The following KANSL3 variants were observed in gnomAD, a reference collection of about 807,000 sequenced individuals.
KANSL3 encodes KAT8 regulatory NSL complex subunit 3, also known as NSL complex protein NSL3.
A neutral mutation model predicts 89.2 loss-of-function variants in KANSL3; 16 were observed. That is an observed-to-expected ratio of 0.18 (90% CI 0.12 to 0.27). The LOEUF (loss-of-function observed/expected upper bound fraction) is 0.27. KANSL3 is among the 10% of genes least tolerant of loss of function. KANSL3 has a pLI of 1.00. For synonymous variants in KANSL3, 385 were observed against 419.7 expected (o/e 0.92, Z 1.01); for missense variants, 879 against 1,110.6 (o/e 0.79, Z 2.96).
At chr2:96,623,818 TGA>T (rs1266101874) in intron 3 of KANSL3, among the ~76,000 whole-genome samples, 1 of 152,210 alleles carries the variant, frequency 6.6e-6, no homozygotes, top group Admixed American at 6.5e-5. Context: ...CAGCAAAAGT[TGA>T]GAGCAGTCGA....
chr2:96,615,182 A>AAAAAAAAAAAAAC, intron 5 of KANSL3: 1 of 151,594 alleles, frequency 6.6e-6, no homozygotes, highest in African/African-American at 2.4e-5. Flanking sequence ...AAAAAAAAAA[A>AAAAAAAAAAAAAC]AAAAAAGACA....
Position 96,608,904 on chromosome 2 carries a change from G to A in KANSL3, c.1544C>T (p.Ser515Phe), listed in dbSNP as rs1247423893. 11 of 1,576,192 alleles carry A rather than the reference G, an allele frequency of 7.0e-6. No homozygotes were observed. Among genetic ancestry groups the A allele is most frequent in the Non-Finnish European group, 9.5e-6 (11 of 1,161,058 alleles). ...TGAGGCGGGCAGCTTGGCAGCTGGG[G>A]AGGCAGGTCGACTGCCCCGCTCAGG... ...EVPERGSRPASPAAKLPASPS... is the reference protein window; with the variant it reads ...EVPERGSRPAFPAAKLPASPS... The change falls in exon 13 of 21, where the codon TCC (serine) becomes TTC (phenylalanine). Residue 515 changes from serine to phenylalanine, a missense_variant. By Grantham distance (155) the Ser-to-Phe change is radical. Transcript: ENST00000431828.
intron 9 of KANSL3, among the ~76,000 whole-genome samples, chr2:96,611,935 G>GTGTGTGTGTGTGTGTGTA (rs1558704254): frequency 6.6e-6 from 1 of 150,826 alleles, no homozygotes; most frequent in East Asian, 1.9e-4. Flanking sequence ...GTGTGTGTGT[G>GTGTGTGTGTGTGTGTGTA]TGTATGTGAA....
chr2:96,619,851 T>C, intron 3 of KANSL3, 89 bp from the exon 4 acceptor site: 4 of 1,051,254 alleles, frequency 3.8e-6, no homozygotes, highest in Non-Finnish European at 5.6e-6. Context: ...TGCCATAGTT[T>C]TATGTCTCTG....
chr2:96,612,710 C>A, intron 7 of KANSL3, 108 bp downstream of exon 7: 1 of 1,077,036 alleles, frequency 9.3e-7, no homozygotes, highest in South Asian at 1.4e-5. Context: ...TTAGAGGAGG[C>A]TCCACATTCA....
intron 20 of KANSL3, chr2:96,600,377 G>T: frequency 1.2e-6 from 1 of 829,106 alleles, no homozygotes; most frequent in Non-Finnish European, 1.5e-6. Context: ...TTTAAAATAA[G>T]CATAATCATT....
chr2:96,598,217 A>G, intron 20 of KANSL3: 1 of 737,238 alleles, frequency 1.4e-6, no homozygotes, highest in Non-Finnish European at 1.7e-6. Flanking sequence ...TCAAGGAACT[A>G]TCATTTCTGT....
chr2:96,601,700 G>A lies in KANSL3; in HGVS notation c.2559C>T (p.Gly853=). The A allele has an allele frequency of 6.2e-7, 1 of 1,613,172 alleles. No homozygotes were observed. The highest frequency in any genetic ancestry group is 8.5e-7 in the Non-Finnish European group (1 of 1,179,550). The change falls in exon 20 of 21, where the codon GGC becomes GGT. Residue 853 remains glycine (G), a synonymous_variant. Coordinates refer to ENST00000431828, the MANE Select transcript of KANSL3 (RefSeq NM_001115016.3). The stretch of plus-strand genomic sequence containing the variant: ...ACTCCTCGGATGGGGCTGCTCCTGA[G>A]CCCATAGGGCTCAGTGTAGTGATCC... ...PSRITTLSPM[G]SGAAPSEESS...
chr2:96,612,422 C>G, intron 8 of KANSL3, 40 bp downstream of exon 8: 1 of 1,604,126 alleles, frequency 6.2e-7, no homozygotes, highest in Non-Finnish European at 8.5e-7. Context: ...CCCCAGAATG[C>G]TGGGTATGCC....
At chr2:96,604,752 G>A (rs1437411308) in intron 16 of KANSL3, 27 bp downstream of exon 16, 17 of 1,551,728 alleles carry the variant, frequency 1.1e-5, no homozygotes, top group Admixed American at 5.7e-5. Context: ...AAAAGGAATA[G>A]ACACAGATGG....
At chr2:96,582,858 G>A in the KANSL3 span, among the ~76,000 whole-genome samples, 1 of 152,204 alleles carries the variant, frequency 6.6e-6, no homozygotes, top group Non-Finnish European at 1.5e-5. Flanking sequence ...TGCAGTTGAA[G>A]GCAGCTGAAA....
chr2:96,620,092 T>C (rs940793730), intron 3 of KANSL3, among the ~76,000 whole-genome samples: 1 of 152,178 alleles, frequency 6.6e-6, no homozygotes. Flanking sequence ...ATTATTCCAA[T>C]CATAAATAAA....
intron 3 of KANSL3, among the ~76,000 whole-genome samples, chr2:96,621,091 C>G (rs2071177192): frequency 6.6e-6 from 1 of 152,210 alleles, no homozygotes; most frequent in African/African-American, 2.4e-5. Context: ...TCAAATCAGT[C>G]TGGATAAAGT....
chr2:96,621,724 A>C (rs2071318589), intron 3 of KANSL3, among the ~76,000 whole-genome samples: 1 of 152,220 alleles, frequency 6.6e-6, no homozygotes, highest in African/African-American at 2.4e-5. Context: ...ATTAAAATAG[A>C]AAGAGGCTCT....
At chr2:96,602,405 C>T (rs2067310673) in intron 18 of KANSL3, 67 bp from the exon 19 acceptor site, 2 of 1,177,978 alleles carry the variant, frequency 1.7e-6, no homozygotes, top group African/African-American at 3.1e-5. Context: ...GCTTGGAGGG[C>T]CCACAGCATA....
intron 2 of KANSL3, 146 bp downstream of exon 2, chr2:96,636,775 C>T: frequency 1.5e-6 from 1 of 667,820 alleles, no homozygotes; most frequent in East Asian, 2.9e-5. Context: ...AGCCTGCTAT[C>T]CTTATGCTGC....
chr2:96,627,801 G>T (rs2072638714), intron 3 of KANSL3: 3 of 677,714 alleles, frequency 4.4e-6, no homozygotes, highest in African/African-American at 3.8e-5. Flanking sequence ...AGAGCAGAAG[G>T]AACTGCAAGC....
chr2:96,595,483 G>A lies in KANSL3; in HGVS notation c.*128C>T. Reference sequence around the variant, plus strand: ...TTTCTCTGAAGACAGTTGGCGGAGAGGCAAAAATGACTGTCTTAAACAGGT... The same window carrying A: ...TTTCTCTGAAGACAGTTGGCGGAGAAGCAAAAATGACTGTCTTAAACAGGT... On this transcript the variant is annotated 3_prime_UTR_variant, in exon 21 of 21. Transcript: ENST00000431828. 2.2e-6 allele frequency: 2 copies of A among 907,078 alleles called. No individual in the cohort carries two copies. Among genetic ancestry groups the A allele is most frequent in the Non-Finnish European group, 3.4e-6 (2 of 595,760 alleles). 56.2% of individuals were successfully genotyped at this position (907,078 alleles called of 1,614,324 possible).
rs2066402731 is a variant in KANSL3 at position 96,594,527 on chromosome 2, G to T, written c.*1084C>A. On this transcript the variant is annotated 3_prime_UTR_variant, in exon 21 of 21. Transcript: ENST00000431828. ...CCACTTGTAAGCAGGAAGACAAAAA[G>T]TCTCATGAAATAGAAACGAAAACAC... 6.6e-6 allele frequency: 1 copy of T among 152,130 alleles called. No individual in the cohort carries two copies. Among genetic ancestry groups the T allele is most frequent in the Admixed American group, 6.5e-5 (1 of 15,278 alleles). The allele number at this position is 152,130 out of a possible 1,614,324, so 9.4% of individuals were successfully genotyped here.
Sources: allele counts gnomAD v4.1 joint callset (sites outside exome capture counted in the v4.1 genomes callset), GRCh38; gene constraint gnomAD v4.1.1; transcripts MANE v1.5; gene names NCBI Gene and HGNC (gene_info 2026-07-23, HGNC 2026-07-21).